TTC6: variants seen among roughly 807,000 people sequenced by gnomAD.
TTC6 encodes the protein tetratricopeptide repeat protein 6.
Under a neutral mutation model 210.4 loss-of-function variants are expected in TTC6, and 172 were observed. The observed-to-expected ratio is 0.82, with a 90% CI of 0.72 to 0.93. The LOEUF is 0.93. Ranked by LOEUF, TTC6 falls within the 40% of genes least tolerant of loss-of-function variation. The probability of loss-of-function intolerance (pLI) is 0.00; values close to 1 mark genes in which losing one functional copy is unlikely to be tolerated. For missense variants in TTC6, 2,414 were observed against 2,318.1 expected, an observed-to-expected ratio of 1.04 and a Z score of -0.85; for synonymous variants, 804 against 819.6, an observed-to-expected ratio of 0.98 and a Z score of 0.32.
intron 27 of TTC6, 105 bp from the exon 30 acceptor site, chr14:37,826,090 A>T: frequency 8.4e-7 from 1 of 1,196,784 alleles, no homozygotes; most frequent in East Asian, 2.5e-5. Flanking sequence ...TTAGCATGGC[A>T]TAAATATACC....
intron 14 of TTC6, among the ~76,000 whole-genome samples, chr14:37,771,544 T>A (rs966692256): frequency 2.6e-5 from 4 of 152,180 alleles, no homozygotes; most frequent in Admixed American, 6.6e-5. Context: ...CTCGCTTCAT[T>A]TCATTCATTT....
rs1359708568 is a variant in TTC6, at chr14:37,598,322, T to G, written c.-235+2314T>G. On this transcript the variant is annotated intron_variant, in intron 1 of 2. Transcript: ENST00000556845. The surrounding 1 kb of genome is among the most constrained non-coding windows in gnomAD (Gnocchi z 4.9). Reference sequence around the variant, plus strand: ...TAAACTTGCCTGTGTTTAAGACGGGTCTGCGACAGCTTGGGGCGGTCCAGG... The same window carrying G: ...TAAACTTGCCTGTGTTTAAGACGGGGCTGCGACAGCTTGGGGCGGTCCAGG... 6.6e-6 allele frequency among the ~76,000 whole-genome samples: 1 copy of G among 151,988 alleles called. No homozygotes were observed. The highest frequency in any genetic ancestry group is 1.5e-5 in the Non-Finnish European group (1 of 68,008).
intron 29 of TTC6, among the ~76,000 whole-genome samples, chr14:37,828,957 T>C (rs187928354): frequency 6.6e-6 from 1 of 152,164 alleles, no homozygotes; most frequent in Admixed American, 6.6e-5. Flanking sequence ...GCTACATTAT[T>C]TCATGTATAG....
intron 4 of TTC6, among the ~76,000 whole-genome samples, chr14:37,699,853 G>C (rs1234470711): frequency 6.6e-6 from 1 of 152,100 alleles, no homozygotes; most frequent in Non-Finnish European, 1.5e-5. Context: ...TCAGCACAGA[G>C]GTAATAGCTG....
At chr14:37,830,955 G>A (rs546939511) in intron 29 of TTC6, among the ~76,000 whole-genome samples, 1 of 152,064 alleles carries the variant, frequency 6.6e-6, no homozygotes, top group Admixed American at 6.6e-5. Context: ...AAATCGTCTA[G>A]CCATTTTGAA....
chr14:37,822,200 G>A (rs1222842183), intron 26 of TTC6, among the ~76,000 whole-genome samples: 2 of 152,174 alleles, frequency 1.3e-5, no homozygotes, highest in Non-Finnish European at 2.9e-5. Context: ...TATGGCATGA[G>A]ATAATTTTTC....
chr14:37,642,526 A>T (rs1196880833), intron 1 of TTC6, among the ~76,000 whole-genome samples: 1 of 152,150 alleles, frequency 6.6e-6, no homozygotes, highest in African/African-American at 2.4e-5. Flanking sequence ...TAATCTTCTT[A>T]GCTTTATTAT....
chr14:37,603,973 T>C (rs2095620524), intron 1 of TTC6, among the ~76,000 whole-genome samples: 1 of 152,066 alleles, frequency 6.6e-6, no homozygotes, highest in African/African-American at 2.4e-5. Context: ...GTAGAATGAG[T>C]ATGCAATAAG....
intron 29 of TTC6, among the ~76,000 whole-genome samples, chr14:37,828,667 A>G (rs1176450319): frequency 6.6e-6 from 1 of 151,916 alleles, no homozygotes; most frequent in Non-Finnish European, 1.5e-5. Flanking sequence ...AAGGACATTT[A>G]TATTTTCTAC....
At chr14:37,822,240 T>A (rs1257463825) in intron 26 of TTC6, among the ~76,000 whole-genome samples, 1 of 152,216 alleles carries the variant, frequency 6.6e-6, no homozygotes, top group Non-Finnish European at 1.5e-5. Context: ...AATTTGCTTT[T>A]AAAAATAAAT....
chr14:37,613,406 T>C (rs2095637691), intron 2 of TTC6, among the ~76,000 whole-genome samples: 1 of 152,152 alleles, frequency 6.6e-6, no homozygotes, highest in Non-Finnish European at 1.5e-5. Flanking sequence ...ATTTTGTTAA[T>C]GATTTTTGCA....
At chr14:37,621,846 T>G (rs1011963128), upstream of TTC6, among the ~76,000 whole-genome samples, 1 of 151,986 alleles carries the variant, frequency 6.6e-6, no homozygotes, top group African/African-American at 2.4e-5. Context: ...AATGACTGTT[T>G]TAGAGGTTTT....
At chr14:37,762,061 C>T (rs60117652) in intron 14 of TTC6, among the ~76,000 whole-genome samples, 3,633 of 152,204 alleles carry the variant, frequency 0.024, 150 homozygotes, top group African/African-American at 0.083. Flanking sequence ...CACATATAAA[C>T]GAGAACATTT....
At chr14:37,784,576 A>C (rs988564530) in intron 14 of TTC6, among the ~76,000 whole-genome samples, 1 of 152,050 alleles carries the variant, frequency 6.6e-6, no homozygotes, top group East Asian at 1.9e-4. Flanking sequence ...TCCTTATCCA[A>C]TTTGCCAGTC....
intron 1 of TTC6, among the ~76,000 whole-genome samples, chr14:37,674,211 C>A (rs1375832593): frequency 1.3e-5 from 2 of 151,654 alleles, no homozygotes; most frequent in African/African-American, 4.8e-5. Flanking sequence ...TTCCTTTTCT[C>A]ATTTTCTAAA....
At chr14:37,790,810 A>T (rs947482978) in exon 16 of TTC6, 1 of 1,534,180 alleles carries the variant, frequency 6.5e-7, no homozygotes. Context: ...GCAATTTGTG[A>T]CTTTGAAACT....
At chr14:37,658,681 G>C (rs1226333330) in intron 1 of TTC6, among the ~76,000 whole-genome samples, 1 of 152,118 alleles carries the variant, frequency 6.6e-6, no homozygotes, top group Non-Finnish European at 1.5e-5. Flanking sequence ...CACAATCTAT[G>C]CACATAGCAA....
chr14:37,610,699 C>T (rs1049289437), intron 2 of TTC6, among the ~76,000 whole-genome samples: 2 of 152,164 alleles, frequency 1.3e-5, no homozygotes, highest in Non-Finnish European at 2.9e-5. Context: ...TCACCATCAC[C>T]GTCCCACTCC....
intron 1 of TTC6, among the ~76,000 whole-genome samples, chr14:37,670,110 G>C (rs1371534278): frequency 6.6e-6 from 1 of 152,052 alleles, no homozygotes; most frequent in Admixed American, 6.5e-5. Flanking sequence ...TATAAACATA[G>C]GTTAGATGTT....
Sources: gnomAD v4.1 joint callset for allele counts (sites outside exome capture counted in the v4.1 genomes callset) on GRCh38, gnomAD v4.1.1 for gene constraint, Gnocchi (gnomAD v3.1) non-coding constraint, MANE v1.5 for transcripts, NCBI Gene and HGNC (gene_info 2026-07-23, HGNC 2026-07-21) for gene names.